The following APP variants were observed in gnomAD, a reference collection of about 807,000 sequenced individuals.
APP encodes the protein amyloid-beta precursor protein.
A neutral mutation model predicts 101.4 loss-of-function variants in APP; 31 were observed. The ratio of observed to expected loss-of-function variants is 0.31; its 90% CI spans 0.23 to 0.41. The LOEUF is 0.41. Among genes scored for constraint, APP ranks in the 10% least tolerant of loss-of-function variants. APP has a pLI of 1.00. For synonymous variants in APP, 366 were observed against 364.4 expected (o/e 1.00, Z -0.05); for missense variants, 839 against 1,003.7 (o/e 0.84, Z 2.22).
rs767889396 is a variant in APP, at chr21:25,997,422, G to C, written c.1034-6C>G. The C allele has an allele frequency of 7.5e-6, 12 of 1,609,630 alleles. No homozygotes were observed. The highest frequency in any genetic ancestry group is 7.7e-6 in the Non-Finnish European group (9 of 1,176,186). On this transcript the variant is annotated splice_region_variant and splice_polypyrimidine_tract_variant and intron_variant, in intron 7 of 17. Coordinates refer to ENST00000346798, the MANE Select transcript of APP (RefSeq NM_000484.4). ...CTTGAGTAAACTTTGGGACACTATG[G>C]AAAAAATAAGAGAACATAACTAAAA...
chr21:26,052,418 G>C (rs191755403), intron 4 of APP, among the ~76,000 whole-genome samples: 4 of 152,306 alleles, frequency 2.6e-5, no homozygotes, highest in Admixed American at 2.0e-4. Flanking sequence ...CTATGAGCTA[G>C]ATAAAGGAGC....
chr21:25,997,313 A>C (rs2043093035), intron 8 of APP, 47 bp downstream of exon 8: 1 of 1,563,552 alleles, frequency 6.4e-7, no homozygotes, highest in East Asian at 2.2e-5. Flanking sequence ...TGAACCAAGC[A>C]GCATCCTCCT....
At chr21:25,891,636 A>T in intron 17 of APP, 86 bp downstream of exon 17, 1 of 1,305,938 alleles carries the variant, frequency 7.7e-7, no homozygotes, top group Non-Finnish European at 1.1e-6. Flanking sequence ...TAAAAGAGAT[A>T]CTTAGCTAGT....
At chr21:26,016,930 TGGGGGG>T (rs2044096710) in intron 6 of APP, among the ~76,000 whole-genome samples, 9 of 23,554 alleles carry the variant, frequency 3.8e-4, no homozygotes, top group Non-Finnish European at 1.5e-3. Flanking sequence ...CAGCACTTTG[TGGGGGG>T]CGGGGGGCGG....
intron 13 of APP, among the ~76,000 whole-genome samples, chr21:25,947,387 AGT>A (rs1569092310): frequency 6.6e-6 from 1 of 152,236 alleles, no homozygotes; most frequent in Non-Finnish European, 1.5e-5. Flanking sequence ...TAAGGTATGA[AGT>A]GTACTGGCAT....
chr21:25,913,839 C>T (rs893642778), intron 13 of APP, among the ~76,000 whole-genome samples: 1 of 152,114 alleles, frequency 6.6e-6, no homozygotes, highest in African/African-American at 2.4e-5. Context: ...TCTTGTATCT[C>T]TTTCCATCTC....
intron 5 of APP, among the ~76,000 whole-genome samples, chr21:26,036,792 A>G (rs1376401736): frequency 6.6e-6 from 1 of 152,196 alleles, no homozygotes; most frequent in Non-Finnish European, 1.5e-5. Context: ...TCAAAAAACT[A>G]AAAATAGAGC....
rs1009351306 is a variant in APP at position 26,017,140 on chromosome 21, A to C, written c.865+4700T>G. Reference sequence around the variant, plus strand: ...TGTGAACCCGGGAGGCCGAGCTTGCAGTGAGCCAAGATCGCACCACTACAC... The same window carrying C: ...TGTGAACCCGGGAGGCCGAGCTTGCCGTGAGCCAAGATCGCACCACTACAC... On this transcript the variant is annotated intron_variant, in intron 6 of 17. Coordinates refer to ENST00000346798, the MANE Select transcript of APP (RefSeq NM_000484.4). Among the ~76,000 whole-genome samples the C allele has an allele frequency of 2.8e-5, 4 of 144,152 alleles. No individual in the cohort carries two copies. In the East Asian group the frequency reaches 8.3e-4, roughly 30 times the overall value. 94.6% of individuals were successfully genotyped at this position (144,152 alleles called of 152,430 possible).
intron 16 of APP, among the ~76,000 whole-genome samples, chr21:25,893,845 A>C (rs1432414014): frequency 6.6e-6 from 1 of 152,236 alleles, no homozygotes; most frequent in African/African-American, 2.4e-5. Context: ...TTTTCAGTGG[A>C]GATGAAACAG....
chr21:26,061,938 G>A (rs540653469), intron 3 of APP, among the ~76,000 whole-genome samples: 5 of 152,272 alleles, frequency 3.3e-5, no homozygotes, highest in East Asian at 1.9e-4. Flanking sequence ...AGTGCTGGCC[G>A]GGAGTGGTGG....
chr21:26,108,171 A>G (rs1013108010), intron 2 of APP, among the ~76,000 whole-genome samples: 1 of 152,220 alleles, frequency 6.6e-6, no homozygotes, highest in Admixed American at 6.5e-5. Flanking sequence ...GCAACTGCCT[A>G]TGGAACCTCA....
chr21:26,045,737 G>A (rs1218692176), intron 5 of APP, among the ~76,000 whole-genome samples: 7 of 152,174 alleles, frequency 4.6e-5, no homozygotes, highest in Admixed American at 4.6e-4. Context: ...AACTGATGAA[G>A]TTTAAACTGG....
chr21:26,036,970 ATGTGTG>A (rs146253714), intron 5 of APP, among the ~76,000 whole-genome samples: 1 of 148,152 alleles, frequency 6.7e-6, no homozygotes, highest in African/African-American at 2.5e-5. Flanking sequence ...AGAAAATGTG[ATGTGTG>A]TGTGTGTGTG....
At chr21:25,999,792 GAGAA>G (rs2043208389) in intron 7 of APP, among the ~76,000 whole-genome samples, 1 of 152,222 alleles carries the variant, frequency 6.6e-6, no homozygotes, top group Non-Finnish European at 1.5e-5. Context: ...CAGCTAGGAA[GAGAA>G]CACATCCATG....
At chr21:26,122,947 C>T (rs1195384561) in intron 1 of APP, among the ~76,000 whole-genome samples, 2 of 152,044 alleles carry the variant, frequency 1.3e-5, no homozygotes, top group Non-Finnish European at 2.9e-5. Flanking sequence ...TCAAAGCACA[C>T]ACATTCACAT....
chr21:26,111,187 A>T (rs1355706646), intron 2 of APP, among the ~76,000 whole-genome samples: 1 of 151,474 alleles, frequency 6.6e-6, no homozygotes, highest in Non-Finnish European at 1.5e-5. Context: ...CCAAAAAAAT[A>T]AATCAGGAAC....
chr21:25,907,488 T>G (rs968186007), intron 14 of APP, among the ~76,000 whole-genome samples: 12 of 152,228 alleles, frequency 7.9e-5, no homozygotes, highest in African/African-American at 2.9e-4. Flanking sequence ...ATCAATGAAG[T>G]GCTAAAAAAC....
chr21:25,981,948 C>T (rs959865303), intron 9 of APP, among the ~76,000 whole-genome samples: 1 of 152,060 alleles, frequency 6.6e-6, no homozygotes, highest in African/African-American at 2.4e-5. Flanking sequence ...TGTAAACAAT[C>T]GTAGGTTCAC....
At chr21:26,155,507 A>G (rs2146357373) in intron 1 of APP, among the ~76,000 whole-genome samples, 1 of 152,302 alleles carries the variant, frequency 6.6e-6, no homozygotes, top group Non-Finnish European at 1.5e-5. Flanking sequence ...ATTCTGCTTT[A>G]AAGTCAGTCC....
Sources: allele counts gnomAD v4.1 joint callset (sites outside exome capture counted in the v4.1 genomes callset), GRCh38; gene constraint gnomAD v4.1.1; transcripts MANE v1.5; gene names NCBI Gene and HGNC (gene_info 2026-07-23, HGNC 2026-07-21).